The following WNK3 variants were observed in gnomAD, a reference collection of about 807,000 sequenced individuals.
The protein encoded by WNK3 is WNK lysine deficient protein kinase 3, also known as serine/threonine-protein kinase WNK3.
Under a neutral mutation model 116.7 loss-of-function variants are expected in WNK3, and 18 were observed. That is an observed-to-expected ratio of 0.15 (90% CI 0.11 to 0.23). WNK3 has a LOEUF of 0.23. WNK3 is among the 10% of genes least tolerant of loss of function. The pLI, the probability that WNK3 is intolerant of heterozygous loss-of-function variation, is 1.00. For missense variants in WNK3, 993 were observed against 1,323.8 expected, an observed-to-expected ratio of 0.75 and a Z score of 3.88; for synonymous variants, 404 against 469.4, an observed-to-expected ratio of 0.86 and a Z score of 1.80.
intron 10 of WNK3, among the ~76,000 whole-genome samples, chrX:54,261,643 C>T (rs782497963): frequency 1.8e-5 from 2 of 111,826 alleles, no homozygotes; most frequent in Non-Finnish European, 3.8e-5. Flanking sequence ...CACACACACA[C>T]ACACGTTTTT....
At chrX:54,232,135 A>G (rs1359533800) in intron 21 of WNK3, among the ~76,000 whole-genome samples, 2 of 92,041 alleles carry the variant, frequency 2.2e-5, no homozygotes, top group African/African-American at 4.4e-5. Context: ...ATATATATAT[A>G]TGTATGTATG....
intron 20 of WNK3, among the ~76,000 whole-genome samples, chrX:54,233,254 ATC>A (rs2067922061): frequency 1.0e-5 from 1 of 99,153 alleles, no homozygotes. Context: ...GGGTGACCCT[ATC>A]TCTCTAAAAA....
At chrX:54,244,041 C>G (rs186210562) in intron 17 of WNK3, among the ~76,000 whole-genome samples, 9 of 111,679 alleles carry the variant, frequency 8.1e-5, no homozygotes, top group Admixed American at 7.6e-4. Flanking sequence ...TCTATACTGA[C>G]AGAAAGCAGA....
intron 10 of WNK3, among the ~76,000 whole-genome samples, chrX:54,285,359 T>A (rs2068568415): frequency 9.0e-6 from 1 of 111,579 alleles, no homozygotes; most frequent in South Asian, 3.7e-4. Context: ...GTGAGCTGTG[T>A]TTGCACCACT....
chrX:54,197,579 G>A (rs1245614705), exon 24 of WNK3: 1 of 109,914 alleles, frequency 9.1e-6, no homozygotes, highest in Non-Finnish European at 1.9e-5. Context: ...ACAAAAATTA[G>A]CCAGGCATGG....
At chrX:54,216,971 T>C (rs2067702962) in intron 22 of WNK3, among the ~76,000 whole-genome samples, 1 of 108,587 alleles carries the variant, frequency 9.2e-6, no homozygotes, top group Non-Finnish European at 1.9e-5. Flanking sequence ...AGGCCAGGAG[T>C]TTGAGACCAG....
At chrX:54,225,957 G>A (rs1603376510) in intron 22 of WNK3, among the ~76,000 whole-genome samples, 1 of 110,054 alleles carries the variant, frequency 9.1e-6, no homozygotes, top group Non-Finnish European at 1.9e-5. Flanking sequence ...AGAGATCAAC[G>A]GAGTAGAATT....
intron 17 of WNK3, among the ~76,000 whole-genome samples, chrX:54,247,053 T>C (rs966834164): frequency 1.8e-5 from 2 of 111,717 alleles, no homozygotes; most frequent in Non-Finnish European, 3.8e-5. Context: ...TTTTTGGACA[T>C]GCAAAAGAAT....
intron 5 of WNK3, among the ~76,000 whole-genome samples, chrX:54,306,730 C>T (rs1158063347): frequency 9.0e-6 from 1 of 110,783 alleles, no homozygotes; most frequent in Non-Finnish European, 1.9e-5. Context: ...ACCAGGGTAA[C>T]TACAGTCGAT....
intron 2 of WNK3, among the ~76,000 whole-genome samples, chrX:54,320,695 T>A (rs1462169000): frequency 2.0e-5 from 2 of 101,330 alleles, no homozygotes; most frequent in Non-Finnish European, 4.0e-5. Flanking sequence ...TATGCTCAGC[T>A]TTTTTTTTTT....
chrX:54,222,648 G>A lies in WNK3; in HGVS notation c.4870+6066C>T, dbSNP rs782577635. Among the ~76,000 whole-genome samples, 18 of 108,200 alleles carry A rather than the reference G, an allele frequency of 1.7e-4. No homozygotes were observed. The East Asian group carries it at 3.8e-3, about 23-fold the overall frequency. 94.0% of individuals were successfully genotyped at this position (108,200 alleles called of 115,157 possible). Reference sequence around the variant, plus strand: ...TTCCAGCACTCTGGGAGGCTGAGGTGGGCAGATCACCTGAAGTCAGGAGTT... The same window carrying A: ...TTCCAGCACTCTGGGAGGCTGAGGTAGGCAGATCACCTGAAGTCAGGAGTT... On this transcript the variant is annotated intron_variant, in intron 22 of 23. Coordinates refer to ENST00000354646, the Ensembl canonical transcript of WNK3.
chrX:54,202,868 A>C (rs931438434), intron 22 of WNK3, among the ~76,000 whole-genome samples: 1 of 110,454 alleles, frequency 9.1e-6, no homozygotes, highest in South Asian at 3.9e-4. Flanking sequence ...TAAAAACAAA[A>C]AAAAAAAGGT....
intron 2 of WNK3, among the ~76,000 whole-genome samples, chrX:54,329,719 C>T (rs1354226813): frequency 1.8e-5 from 2 of 110,911 alleles, no homozygotes; most frequent in Non-Finnish European, 3.8e-5. Context: ...CCTAAACATC[C>T]TTTAACATAA....
At chrX:54,267,811 A>G (rs1212915006) in intron 10 of WNK3, among the ~76,000 whole-genome samples, 1 of 110,308 alleles carries the variant, frequency 9.1e-6, no homozygotes, top group Non-Finnish European at 1.9e-5. Context: ...GAGCAACAAC[A>G]ACAACAAAAA....
At chrX:54,307,849 G>C (rs2068843417) in intron 5 of WNK3, 73 bp downstream of exon 5, 6 of 1,020,760 alleles carry the variant, frequency 5.9e-6, no homozygotes, top group Non-Finnish European at 7.8e-6. Context: ...TTAGTTTTGA[G>C]TAAGTCAAAC....
chrX:54,303,779 A>T (rs887484081), intron 5 of WNK3, among the ~76,000 whole-genome samples: 3 of 111,742 alleles, frequency 2.7e-5, no homozygotes, highest in South Asian at 3.7e-4. Context: ...CATTTAAAAA[A>T]TTTTTAAAAA....
chrX:54,195,845 T>C (rs782552215), exon 24 of WNK3: 1 of 111,619 alleles, frequency 9.0e-6, no homozygotes, highest in Non-Finnish European at 1.9e-5. Context: ...TGCAAGAGTC[T>C]GCAGGCAAAC....
intron 1 of WNK3, 84 bp from the exon 2 acceptor site, chrX:54,333,876 C>T (rs1490405373): frequency 2.5e-6 from 1 of 404,540 alleles, no homozygotes; most frequent in African/African-American, 2.5e-5. Flanking sequence ...TTTTTTAATC[C>T]CTTTTTCCTT....
At chrX:54,323,029 C>A (rs782251449) in intron 2 of WNK3, among the ~76,000 whole-genome samples, 1 of 111,200 alleles carries the variant, frequency 9.0e-6, no homozygotes, top group Non-Finnish European at 1.9e-5. Flanking sequence ...GATACACCAA[C>A]GGATGCTAAA....
Sources: gnomAD v4.1 joint callset for allele counts (sites outside exome capture counted in the v4.1 genomes callset) on GRCh38, gnomAD v4.1.1 for gene constraint, MANE v1.5 for transcripts, NCBI Gene and HGNC (gene_info 2026-07-23, HGNC 2026-07-21) for gene names.